Variants in TTN observed in about 807,000 individuals in gnomAD.
The protein encoded by TTN is connectin.
TTN carries 1,525 observed loss-of-function variants against 3,223.0 expected under a neutral mutation model. The ratio of observed to expected loss-of-function variants is 0.47; its 90% confidence interval spans 0.45 to 0.49. The LOEUF (loss-of-function observed/expected upper bound fraction) is 0.49, where lower values mean the gene tolerates loss of function less well. Ranked by LOEUF, TTN falls within the 20% of genes least tolerant of loss-of-function variation. The probability of loss-of-function intolerance (pLI) is 0.00; values close to 1 mark genes in which losing one functional copy is unlikely to be tolerated. For missense variants in TTN, 40,786 were observed against 43,424.0 expected (o/e 0.94, Z 5.40); for synonymous variants, 14,094 against 15,161.0 (o/e 0.93, Z 5.17).
intron 319 of TTN, 64 bp from the exon 320 acceptor site, chr2:178,579,457 G>A (rs893892520): frequency 1.3e-6 from 2 of 1,566,374 alleles, no homozygotes; most frequent in African/African-American, 1.4e-5. Flanking sequence ...TTTTCAAATA[G>A]TTCTAGCTTT....
intron 257 of TTN, among the ~76,000 whole-genome samples, chr2:178,616,106 T>G (rs761393944): frequency 2.4e-4 from 37 of 151,946 alleles, no homozygotes; most frequent in Non-Finnish European, 5.0e-4. Context: ...AAGGAAATAA[T>G]GGCTGATTAG....
At chr2:178,790,136 A>G (rs747119040) in intron 11 of TTN, 21 bp from the exon 12 acceptor site, 24 of 1,607,540 alleles carry the variant, frequency 1.5e-5, no homozygotes, top group Non-Finnish European at 2.0e-5. Flanking sequence ...AAAAGAAAGT[A>G]AGAAAATAGT....
rs768829835 is a variant in TTN, at chr2:178,704,951, C to G, written c.29620G>C (p.Glu9874Gln). The G allele has an allele frequency of 1.2e-6, 2 of 1,612,470 alleles. No individual in the cohort carries two copies. The highest frequency in any genetic ancestry group is 1.7e-6 in the Non-Finnish European group (2 of 1,179,730). The change falls in exon 104 of 363, where the codon GAG becomes CAG. Residue 9874 changes from glutamate to glutamine, a missense_variant. Transcript: ENST00000589042. ...TCCTTTTCGTCCCTCTCTGACCTCTCTATTTCCTCAATTTCCTGAGAAGAA... is the reference window on the plus strand; with the variant it reads ...TCCTTTTCGTCCCTCTCTGACCTCTGTATTTCCTCAATTTCCTGAGAAGAA... ...ETHRLEIEEI[E>Q]RSERDEKEFE...
intron 120 of TTN, 51 bp from the exon 121 acceptor site, chr2:178,692,150 G>A: frequency 6.6e-7 from 1 of 1,506,360 alleles, no homozygotes; most frequent in Non-Finnish European, 9.2e-7. Context: ...GTCACCTTCT[G>A]AGACATCTAA....
chr2:178,705,236 G>A lies in TTN; in HGVS notation c.29542C>T (p.Arg9848Ter). ...YARMYGITDF[R>*]GLLQAFELLK... ...AGTTCAAATGCTTGAAGAAGACCTC[G>A]GAAGTCAGTGATTCCATACATGCGG... Residue 9848 changes from arginine to a stop codon, truncating the protein, a stop_gained, in exon 103 of 363, where the codon CGA becomes TGA. Transcript: ENST00000589042. LOFTEE classifies it high-confidence loss of function. The A allele has an allele frequency of 3.1e-6, 5 of 1,613,626 alleles. No individual in the cohort carries two copies. The highest frequency in any genetic ancestry group is 4.2e-6 in the Non-Finnish European group (5 of 1,179,716).
chr2:178,734,818 C>T lies in TTN; in HGVS notation c.15106G>A (p.Glu5036Lys), dbSNP rs1353528713. 6.2e-7 allele frequency: 1 copy of T among 1,613,834 alleles called. No individual in the cohort carries two copies. ...ACATCCGTAATATCAAGTATAGCCT[C>T]AGAATTGACAAAATACATTCGGACT... ...NTVRMYFVNSEAILDITDVKV... is the reference protein window; with the variant it reads ...NTVRMYFVNSKAILDITDVKV... Residue 5036 changes from glutamate to lysine, a missense_variant, in exon 51 of 363, where the codon GAG becomes AAG. Coordinates refer to ENST00000589042, the MANE Select transcript of TTN (RefSeq NM_001267550.2).
chr2:178,687,108 A>T (rs918674451), intron 127 of TTN, among the ~76,000 whole-genome samples: 9 of 152,228 alleles, frequency 5.9e-5, no homozygotes, highest in African/African-American at 1.9e-4. Flanking sequence ...CTTTTGTTCC[A>T]AGTGAAAAAA....
Position 178,566,858 on chromosome 2 carries a change from T to A in TTN, c.79274A>T (p.Lys26425Ile), listed in dbSNP as rs1359744760. 3 of 1,613,468 alleles carry A rather than the reference T, an allele frequency of 1.9e-6. No homozygotes were observed. The South Asian group carries it at 3.3e-5, about 18-fold the overall frequency. ...GSEIIGYIVE[K>I]RDRSGIRWIK... is the part of the protein sequence containing the mutation. ...CCATCGAATGCCACTTCTGTCTCTT[T>A]TCTCTACAATGTAACCAATAATCTC... The change falls in exon 326 of 363, where the codon AAA (lysine) becomes ATA (isoleucine). Residue 26425 changes from lysine to isoleucine, a missense_variant. By Grantham distance (102) the Lys-to-Ile change is moderately radical (BLOSUM62 -3). Transcript: ENST00000589042.
chr2:178,568,069 G>A lies in TTN; in HGVS notation c.78063C>T (p.Pro26021=), dbSNP rs72648204. The part of the protein sequence containing the change: ...WHEPVNNGGS[P]VIGYHLERKE... ...TTCTCTCCAGGTGGTAACCTATGAC[G>A]GGGCTTCCACCATTGTTGACTGGTT... Residue 26021 remains proline, a synonymous_variant, in exon 326 of 363, where the codon CCC becomes CCT. Coordinates refer to ENST00000589042, the MANE Select transcript of TTN (RefSeq NM_001267550.2). The A allele has an allele frequency of 3.3e-5, 53 of 1,613,246 alleles. No individual in the cohort carries two copies. The African/African-American group carries it at 4.3e-4, about 13-fold the overall frequency.
rs1275797120 is a variant in TTN at position 178,547,480 on chromosome 2, A to G, written c.94146T>C (p.Arg31382=). The change falls in exon 339 of 363, where the codon CGT becomes CGC. Residue 31382 remains arginine (R), a synonymous_variant. Coordinates refer to ENST00000589042, the MANE Select transcript of TTN (RefSeq NM_001267550.2). The part of the protein sequence containing the change: ...HLTKYMEYSF[R]VSSENRFGVS... ...CACCAAATCTGTTCTCTGAACTGACACGGAAAGAATATTCCATGTATTTTG... is the reference window on the plus strand; with the variant it reads ...CACCAAATCTGTTCTCTGAACTGACGCGGAAAGAATATTCCATGTATTTTG... 6.2e-7 allele frequency: 1 copy of G among 1,612,670 alleles called. No homozygotes were observed. The highest frequency in any genetic ancestry group is 8.5e-7 in the Non-Finnish European group (1 of 1,179,292).
chr2:178,774,483 A>G lies in TTN; in HGVS notation c.6791-10T>C. The G allele has an allele frequency of 6.2e-7, 1 of 1,610,880 alleles. No homozygotes were observed. Among genetic ancestry groups the G allele is most frequent in the East Asian group, 2.2e-5 (1 of 44,794 alleles). ...AACTCAACAACTGCACCTGAAGTGTATAACAGAAAGATAAATCAATTTTTT... is the reference window on the plus strand; with the variant it reads ...AACTCAACAACTGCACCTGAAGTGTGTAACAGAAAGATAAATCAATTTTTT... On this transcript the variant is annotated splice_polypyrimidine_tract_variant and intron_variant, in intron 29 of 362. Coordinates refer to ENST00000589042, the MANE Select transcript of TTN (RefSeq NM_001267550.2).
intron 242 of TTN, 66 bp downstream of exon 242, chr2:178,624,399 G>A (rs1433859872): frequency 1.6e-5 from 25 of 1,596,810 alleles, no homozygotes; most frequent in Non-Finnish European, 2.1e-5. Flanking sequence ...AAAGTGTTGT[G>A]TTGTTTTGTT....
chr2:178,557,806 G>A lies in TTN; in HGVS notation c.87548C>T (p.Ala29183Val). ...TGTTGCAGACACTTCAGTCCACACT[G>A]CAGTACTTGTTTCTCTTTTGAGTAG... ...YILLKRETST[A>V]VWTEVSATVA... The change falls in exon 328 of 363, where the codon GCA (alanine) becomes GTA (valine). Residue 29183 changes from alanine to valine, a missense_variant. Coordinates refer to ENST00000589042, the MANE Select transcript of TTN (RefSeq NM_001267550.2). 6.2e-7 allele frequency: 1 copy of A among 1,613,950 alleles called. No individual in the cohort carries two copies. The highest frequency in any genetic ancestry group is 8.5e-7 in the Non-Finnish European group (1 of 1,179,842).
At chr2:178,706,421 G>A (rs372864986) in intron 102 of TTN, 33 bp downstream of exon 102, 1 of 1,568,750 alleles carries the variant, frequency 6.4e-7, no homozygotes, top group African/African-American at 1.4e-5. Flanking sequence ...ATGGAGGGCT[G>A]ATTGTACGAT....
In TTN at chr2:178,671,143, G is replaced by A; in HGVS notation, c.35255C>T (p.Pro11752Leu). The change falls in exon 156 of 363, where the codon CCT becomes CTT. Residue 11752 changes from proline to leucine, a missense_variant. Coordinates refer to ENST00000589042, the MANE Select transcript of TTN (RefSeq NM_001267550.2). ...AACTTTAGTGGGCGGTTTTTTTGGA[G>A]GGATGATTTTCTCAGATATCTCAGG... ...KGPEISEKII[P>L]PKKPPTKVVP... 6.2e-7 allele frequency: 1 copy of A among 1,603,254 alleles called. No homozygotes were observed. The highest frequency in any genetic ancestry group is 8.5e-7 in the Non-Finnish European group (1 of 1,175,538).
At position 178,720,212 on chromosome 2, in the gene TTN, A is replaced by G; in HGVS notation, c.23430T>C (p.Asp7810=). 1 of 1,613,710 alleles carries G rather than the reference A, an allele frequency of 6.2e-7. No homozygotes were observed. The highest frequency in any genetic ancestry group is 8.5e-7 in the Non-Finnish European group (1 of 1,179,702). Residue 7810 remains aspartate, a synonymous_variant, in exon 81 of 363, where the codon GAT becomes GAC. Coordinates refer to ENST00000589042, the MANE Select transcript of TTN (RefSeq NM_001267550.2). ...KLSDTSTLIG[D]AVELRAIVEG... ...CCACTATGGCCCGTAACTCAACAGCATCCCCAATAAGGGTTGAGGTGTCAC... is the reference window on the plus strand; with the variant it reads ...CCACTATGGCCCGTAACTCAACAGCGTCCCCAATAAGGGTTGAGGTGTCAC...
chr2:178,694,872 CTT>C lies in TTN; in HGVS notation c.31303_31304del (p.Lys10435AspfsTer17). On this transcript the variant is annotated frameshift_variant, in exon 116 of 363. Coordinates refer to ENST00000589042, the MANE Select transcript of TTN (RefSeq NM_001267550.2). LOFTEE classifies it high-confidence loss of function. The part of the protein sequence containing the change: ...IKKPVIEKIE[K>X]TSRRMEEEKV... Reference sequence around the variant, plus strand: ...TTTCTTCCTCCATTCTTCGAGAAGTCTTTTCAATTTTTTCAATTACTGGCTTC... The same window carrying C: ...TTTCTTCCTCCATTCTTCGAGAAGTCTTCAATTTTTTCAATTACTGGCTTC... 6.4e-7 allele frequency: 1 copy of C among 1,559,190 alleles called. No homozygotes were observed. The highest frequency in any genetic ancestry group is 8.7e-7 in the Non-Finnish European group (1 of 1,150,048).
intron 12 of TTN, 136 bp from the exon 13 acceptor site, chr2:178,789,633 G>T: frequency 1.6e-6 from 2 of 1,218,656 alleles, no homozygotes; most frequent in Non-Finnish European, 2.3e-6. Flanking sequence ...ACTTTCACCG[G>T]CAATGTCTAC....
intron 147 of TTN, among the ~76,000 whole-genome samples, chr2:178,676,309 T>C (rs753223482): frequency 1.3e-5 from 2 of 151,912 alleles, no homozygotes; most frequent in Non-Finnish European, 2.9e-5. Context: ...TAAATTTCAC[T>C]AGTAATTTAT....
Sources: gnomAD v4.1 joint callset for allele counts (sites outside exome capture counted in the v4.1 genomes callset) on GRCh38, gnomAD v4.1.1 for gene constraint, MANE v1.5 for transcripts, NCBI Gene and HGNC (gene_info 2026-07-23, HGNC 2026-07-21) for gene names.